EPHA5: variants seen among roughly 807,000 people sequenced by gnomAD.
The protein encoded by EPHA5 is EPH receptor A5, also known as ephrin type-A receptor 5.
Under a neutral mutation model 105.0 loss-of-function variants are expected in EPHA5, and 60 were observed. The ratio of observed to expected loss-of-function variants is 0.57; its 90% confidence interval spans 0.46 to 0.71. The LOEUF (loss-of-function observed/expected upper bound fraction) is 0.71, where lower values mean the gene tolerates loss of function less well. EPHA5 is among the 30% of genes least tolerant of loss of function. The probability of loss-of-function intolerance (pLI) is 0.00; values close to 1 mark genes in which losing one functional copy is unlikely to be tolerated. For synonymous variants in EPHA5, 513 were observed against 449.1 expected, an observed-to-expected ratio of 1.14 and a Z score of -1.80; for missense variants, 1,218 against 1,274.7, an observed-to-expected ratio of 0.96 and a Z score of 0.68.
At chr4:65,420,105 C>T (rs1024991472) in intron 6 of EPHA5, among the ~76,000 whole-genome samples, 1 of 152,142 alleles carries the variant, frequency 6.6e-6, no homozygotes, top group African/African-American at 2.4e-5. Flanking sequence ...ACACATTTCT[C>T]TGTTAGCACA....
At chr4:65,462,423 G>T (rs917751724) in intron 5 of EPHA5, among the ~76,000 whole-genome samples, 11 of 152,100 alleles carry the variant, frequency 7.2e-5, no homozygotes, top group Non-Finnish European at 1.2e-4. Context: ...AAAAACCACT[G>T]TTTATTCTCA....
chr4:65,347,694 G>A (rs967252188), intron 14 of EPHA5, among the ~76,000 whole-genome samples: 2 of 152,066 alleles, frequency 1.3e-5, no homozygotes, highest in Non-Finnish European at 2.9e-5. Context: ...TGGAGTATTA[G>A]CTGCCTTTAT....
chr4:65,520,945 A>G lies in EPHA5; in HGVS notation c.911-25402T>C, dbSNP rs532520713. Among the ~76,000 whole-genome samples, 12 of 152,284 alleles carry G rather than the reference A, an allele frequency of 7.9e-5. No homozygotes were observed. The South Asian group carries it at 2.5e-3, about 32-fold the overall frequency. ...GTTGGTAGGACTGTAAACTGCTTCA[A>G]CCATTGTGGAAGACAGTTTGGCGAT... On this transcript the variant is annotated intron_variant, in intron 3 of 16. Transcript: ENST00000613740.
At chr4:65,494,987 G>A (rs1731775867) in intron 4 of EPHA5, among the ~76,000 whole-genome samples, 1 of 67,778 alleles carries the variant, frequency 1.5e-5, no homozygotes, top group Non-Finnish European at 3.3e-5. Context: ...GGAGGAAGAG[G>A]AAGAAGAGGA....
rs532109764 is a variant in EPHA5 at position 65,322,917 on chromosome 4, A to G, written c.*1197T>C. On this transcript the variant is annotated 3_prime_UTR_variant, in exon 17 of 17. Transcript: ENST00000613740. ...TTTCTAGAACTGAGTCAAAATGGGA[A>G]TGGTTACAACGGATTAACACTTAAG... The G allele has an allele frequency of 8.7e-6, 2 of 229,040 alleles. No homozygotes were observed. The highest frequency in any genetic ancestry group is 1.7e-5 in the Non-Finnish European group (2 of 115,440). The allele number at this position is 229,040 out of a possible 1,614,324, so 14.2% of individuals were successfully genotyped here.
chr4:65,653,689 A>C (rs1748807950), intron 1 of EPHA5, among the ~76,000 whole-genome samples: 1 of 152,126 alleles, frequency 6.6e-6, no homozygotes, highest in Admixed American at 6.6e-5. Context: ...TGACTGCAGT[A>C]GTTGGCTATT....
intron 3 of EPHA5, among the ~76,000 whole-genome samples, chr4:65,591,572 G>A (rs887195666): frequency 2.0e-5 from 3 of 151,578 alleles, no homozygotes; most frequent in African/African-American, 7.3e-5. Flanking sequence ...TCTCAAAGCC[G>A]AGATGACTTT....
intron 2 of EPHA5, among the ~76,000 whole-genome samples, chr4:65,619,324 A>G (rs753751721): frequency 7.2e-5 from 11 of 152,154 alleles, no homozygotes; most frequent in Non-Finnish European, 1.3e-4. Flanking sequence ...AGAAGTTAAG[A>G]TTTTTCAGAT....
chr4:65,554,532 A>G (rs2149345386), intron 3 of EPHA5, among the ~76,000 whole-genome samples: 1 of 151,440 alleles, frequency 6.6e-6, no homozygotes, highest in East Asian at 1.9e-4. Context: ...AAAAGGTTTT[A>G]AAAACAAAAA....
At position 65,321,705 on chromosome 4, in the gene EPHA5, A is replaced by G. The variant is rs1719652621; in HGVS notation, c.*2409T>C. The G allele has an allele frequency of 4.4e-6, 1 of 228,902 alleles. No homozygotes were observed. The highest frequency in any genetic ancestry group is 5.7e-5 in the Admixed American group (1 of 17,546). 14.2% of individuals were successfully genotyped at this position (228,902 alleles called of 1,614,324 possible). ...TTTATATTCTTCCTTTGTTAAAAAG[A>G]GAAAATCTATATTGCAACTTAAAGT... On this transcript the variant is annotated 3_prime_UTR_variant, in exon 17 of 17. Coordinates refer to ENST00000613740, the MANE Select transcript of EPHA5 (RefSeq NM_001281766.3).
At chr4:65,612,038 AAGGAAAGAAAAG>A (rs1744823288) in intron 2 of EPHA5, among the ~76,000 whole-genome samples, 2 of 119,680 alleles carry the variant, frequency 1.7e-5, no homozygotes, top group Non-Finnish European at 3.6e-5. Context: ...AAAAAAAAAA[AAGGAAAGAAAAG>A]AAAAGAAAAG....
chr4:65,502,989 T>C (rs1732645677), intron 3 of EPHA5, among the ~76,000 whole-genome samples: 1 of 151,812 alleles, frequency 6.6e-6, no homozygotes, highest in Admixed American at 6.6e-5. Flanking sequence ...TGGAAGCTAT[T>C]ATCCTAAGTG....
chr4:65,436,353 C>G (rs974176025), intron 5 of EPHA5, among the ~76,000 whole-genome samples: 1 of 151,294 alleles, frequency 6.6e-6, no homozygotes, highest in African/African-American at 2.4e-5. Context: ...TATAAACAGA[C>G]ACACACACAC....
At chr4:65,658,168 A>T (rs1357139831) in intron 1 of EPHA5, among the ~76,000 whole-genome samples, 1 of 152,138 alleles carries the variant, frequency 6.6e-6, no homozygotes, top group Non-Finnish European at 1.5e-5. Context: ...GTACAGACCT[A>T]GGCATAAATA....
chr4:65,411,621 T>C (rs1351849744), intron 7 of EPHA5, among the ~76,000 whole-genome samples: 2 of 152,024 alleles, frequency 1.3e-5, no homozygotes, highest in Non-Finnish European at 2.9e-5. Flanking sequence ...ACTGATAGCT[T>C]AACGAGGAAA....
At chr4:65,361,635 T>C (rs1346099319) in intron 11 of EPHA5, among the ~76,000 whole-genome samples, 1 of 151,696 alleles carries the variant, frequency 6.6e-6, no homozygotes, top group Non-Finnish European at 1.5e-5. Flanking sequence ...ATTTGAAAGA[T>C]AATTATAAAT....
chr4:65,571,351 A>G (rs953164790), intron 3 of EPHA5, among the ~76,000 whole-genome samples: 5 of 151,722 alleles, frequency 3.3e-5, no homozygotes, highest in African/African-American at 1.2e-4. Flanking sequence ...AAAAATTTAC[A>G]TTCCCTAAAT....
intron 1 of EPHA5, among the ~76,000 whole-genome samples, chr4:65,656,763 C>G (rs1254902635): frequency 6.6e-6 from 1 of 150,914 alleles, no homozygotes; most frequent in African/African-American, 2.4e-5. Flanking sequence ...TACAGGTGCA[C>G]GCCACCATGT....
chr4:65,488,799 G>T (rs1041807485), intron 5 of EPHA5, among the ~76,000 whole-genome samples: 1 of 151,618 alleles, frequency 6.6e-6, no homozygotes, highest in Non-Finnish European at 1.5e-5. Flanking sequence ...TTAATCACAT[G>T]CTTCACACAA....
Sources: gnomAD v4.1 joint callset for allele counts (sites outside exome capture counted in the v4.1 genomes callset) on GRCh38, gnomAD v4.1.1 for gene constraint, MANE v1.5 for transcripts, NCBI Gene and HGNC (gene_info 2026-07-23, HGNC 2026-07-21) for gene names.